ADAMTS18: variants seen among roughly 807,000 people sequenced by gnomAD.
ADAMTS18 encodes ADAM metallopeptidase with thrombospondin type 1 motif 18, also known as A disintegrin and metalloproteinase with thrombospondin motifs 18.
In ADAMTS18, 157 loss-of-function variants were observed where a neutral mutation model predicts 165.9. The observed-to-expected ratio is 0.95, with a 90% CI of 0.83 to 1.08. The LOEUF is 1.08. Ranked by LOEUF, ADAMTS18 falls within the 50% of genes least tolerant of loss-of-function variation. ADAMTS18 has a pLI of 0.00. For missense variants in ADAMTS18, 2,040 were observed against 1,534.0 expected, an observed-to-expected ratio of 1.33 and a Z score of -5.51; for synonymous variants, 782 against 578.2, an observed-to-expected ratio of 1.35 and a Z score of -5.06.
chr16:77,361,418 A>T (rs970952374), intron 7 of ADAMTS18, among the ~76,000 whole-genome samples: 2 of 152,248 alleles, frequency 1.3e-5, no homozygotes, highest in African/African-American at 4.8e-5. Flanking sequence ...CTTCAAAGTC[A>T]AGTAACTTCT....
At chr16:77,373,588 A>G (rs185158482) in intron 3 of ADAMTS18, among the ~76,000 whole-genome samples, 8 of 152,320 alleles carry the variant, frequency 5.3e-5, no homozygotes, top group Admixed American at 5.2e-4. Context: ...GATGAGGGAT[A>G]AAAGTGTACA....
chr16:77,288,854 GTAAACCCAGA>G (rs2055306333), intron 22 of ADAMTS18, among the ~76,000 whole-genome samples: 1 of 152,174 alleles, frequency 6.6e-6, no homozygotes, highest in Non-Finnish European at 1.5e-5. Context: ...GCTTGTGACA[GTAAACCCAGA>G]ACTTGAGGCC....
chr16:77,331,454 C>T (rs115498802), intron 12 of ADAMTS18, among the ~76,000 whole-genome samples: 1,636 of 152,270 alleles, frequency 0.011, 28 homozygotes, highest in African/African-American at 0.037. Flanking sequence ...TACCCTCCTG[C>T]TTAAACCAGG....
rs777438610 is a variant in ADAMTS18 at position 77,291,250 on chromosome 16, A to G, written c.3402+16T>C. On this transcript the variant is annotated intron_variant, in intron 21 of 22. Transcript: ENST00000282849. ...TCTCACTTGAATAGACACCTCCTCA[A>G]TCGGCCTGTACCCACCTGCTGCCAC... 1.4e-5 allele frequency: 23 copies of G among 1,613,346 alleles called. No individual in the cohort carries two copies. The Admixed American group carries it at 2.0e-4, about 14-fold the overall frequency.
rs1054421685 is a variant in ADAMTS18, at chr16:77,367,627, G to A, written c.592C>T (p.His198Tyr). 3 of 1,614,178 alleles carry A rather than the reference G, an allele frequency of 1.9e-6. No individual in the cohort carries two copies. The Admixed American group carries it at 5.0e-5, about 27-fold the overall frequency. ...GTCCTTTTGTACAGTACGTGAGGAT[G>A]GTGACCCGCAGGGGAGCTGTAGTTG... ...EHNYSSPAGH[H>Y]PHVLYKRTAE... Residue 198 changes from histidine to tyrosine, a missense_variant, in exon 4 of 23, where the codon CAT becomes TAT. Physicochemically the swap from His to Tyr is moderately conservative, Grantham distance 83. Coordinates refer to ENST00000282849, the MANE Select transcript of ADAMTS18 (RefSeq NM_199355.4).
chr16:77,355,523 G>C (rs1421342358), intron 9 of ADAMTS18, among the ~76,000 whole-genome samples: 1 of 152,108 alleles, frequency 6.6e-6, no homozygotes, highest in East Asian at 1.9e-4. Flanking sequence ...ATTAGTCACA[G>C]TAAAAAGACA....
At chr16:77,430,520 C>G (rs139797782) in intron 3 of ADAMTS18, among the ~76,000 whole-genome samples, 1 of 152,202 alleles carries the variant, frequency 6.6e-6, no homozygotes, top group Non-Finnish European at 1.5e-5. Context: ...GCACAATCAC[C>G]ATGTGTCTCA....
At chr16:77,325,497 T>C (rs1486370184) in intron 13 of ADAMTS18, among the ~76,000 whole-genome samples, 2 of 152,042 alleles carry the variant, frequency 1.3e-5, no homozygotes, top group Non-Finnish European at 2.9e-5. Context: ...GTACGGTGCC[T>C]CTATGGGGTA....
At chr16:77,287,397 C>T (rs1301853706) in intron 22 of ADAMTS18, among the ~76,000 whole-genome samples, 3 of 152,124 alleles carry the variant, frequency 2.0e-5, no homozygotes, top group African/African-American at 7.2e-5. Context: ...AAACTGTAGG[C>T]CACATTTTTG....
chr16:77,283,986 T>A lies in ADAMTS18; in HGVS notation c.3636A>T (p.Gln1212His). Residue 1212 changes from glutamine (Q) to histidine (H), a missense_variant, in exon 23 of 23, where the codon CAA (glutamine) becomes CAT (histidine). Gln to His is a conservative substitution (Grantham distance 24). Coordinates refer to ENST00000282849, the MANE Select transcript of ADAMTS18 (RefSeq NM_199355.4). ...GVCNHKFYGKQCCKSCTRKI is the reference protein window; with the variant it reads ...GVCNHKFYGKHCCKSCTRKI Reference sequence around the variant, plus strand: ...TCTTCCTTGTGCATGACTTGCAGCATTGTTTTCCGTAAAACTTGTGGTTGC... The same window carrying A: ...TCTTCCTTGTGCATGACTTGCAGCAATGTTTTCCGTAAAACTTGTGGTTGC... 3 of 1,614,060 alleles carry A rather than the reference T, an allele frequency of 1.9e-6. No homozygotes were observed. The highest frequency in any genetic ancestry group is 2.5e-6 in the Non-Finnish European group (3 of 1,179,930).
rs1457474626 is a variant in ADAMTS18 at position 77,314,777 on chromosome 16, TATATATATAAAA to T, written c.2532+5060_2532+5071del. 5.8e-5 allele frequency among the ~76,000 whole-genome samples: 5 copies of T among 86,468 alleles called. 1 individual carries two copies. Among genetic ancestry groups the T allele is most frequent in the African/African-American group, 2.2e-4 (5 of 22,230 alleles). 56.7% of individuals were successfully genotyped at this position (86,468 alleles called of 152,430 possible). A position where few individuals can be genotyped will look rare whatever the true frequency, so the allele number is the denominator to read the frequency against. On this transcript the variant is annotated intron_variant, in intron 16 of 22. Transcript: ENST00000282849. ...TCATATATATATATATATATATATA[TATATATATAAAA>T]TATATGTGATATGCTCAGAAGGCAA...
At chr16:77,342,408 C>T (rs2056412043) in intron 10 of ADAMTS18, among the ~76,000 whole-genome samples, 1 of 152,066 alleles carries the variant, frequency 6.6e-6, no homozygotes, top group Admixed American at 6.5e-5. Context: ...TTTTCAAGGT[C>T]CTATATGTGC....
At position 77,367,638 on chromosome 16, in the gene ADAMTS18, G is replaced by T; in HGVS notation, c.581C>A (p.Pro194His). ...CAGTACGTGAGGATGGTGACCCGCAGGGGAGCTGTAGTTGTGTTCCTGGGC... is the reference window on the plus strand; with the variant it reads ...CAGTACGTGAGGATGGTGACCCGCATGGGAGCTGTAGTTGTGTTCCTGGGC... ...LLAQEHNYSSPAGHHPHVLYK... is the reference protein window; with the variant it reads ...LLAQEHNYSSHAGHHPHVLYK... Residue 194 changes from proline to histidine, a missense_variant, in exon 4 of 23, where the codon CCT (proline) becomes CAT (histidine). Coordinates refer to ENST00000282849, the MANE Select transcript of ADAMTS18 (RefSeq NM_199355.4). 6.2e-7 allele frequency: 1 copy of T among 1,614,194 alleles called. No individual in the cohort carries two copies. Among genetic ancestry groups the T allele is most frequent in the Non-Finnish European group, 8.5e-7 (1 of 1,180,030 alleles).
chr16:77,412,090 C>G (rs987375347), intron 3 of ADAMTS18, among the ~76,000 whole-genome samples: 1 of 152,094 alleles, frequency 6.6e-6, no homozygotes, highest in East Asian at 1.9e-4. Flanking sequence ...ATGGCCCTCC[C>G]CAATGGGTCT....
At chr16:77,365,772 C>A (rs1222896289) in intron 4 of ADAMTS18, among the ~76,000 whole-genome samples, 2 of 152,066 alleles carry the variant, frequency 1.3e-5, no homozygotes, top group Admixed American at 1.3e-4. Flanking sequence ...CTGGTCCAGC[C>A]GTAATAGTGA....
At chr16:77,326,268 T>G (rs1389921946) in intron 12 of ADAMTS18, among the ~76,000 whole-genome samples, 13 of 152,234 alleles carry the variant, frequency 8.5e-5, no homozygotes, top group Admixed American at 8.5e-4. Context: ...TTCTTTTCAT[T>G]ACCACTGTTC....
chr16:77,367,609 T>G lies in ADAMTS18; in HGVS notation c.610A>C (p.Lys204Gln), dbSNP rs781515892. 2 of 1,614,174 alleles carry G rather than the reference T, an allele frequency of 1.2e-6. No individual in the cohort carries two copies. Among genetic ancestry groups the G allele is most frequent in the Non-Finnish European group, 8.5e-7 (1 of 1,180,022 alleles). ...TGGATCTTCTCCTCTGCTGTCCTTT[T>G]GTACAGTACGTGAGGATGGTGACCC... ...PAGHHPHVLY[K>Q]RTAEEKIQRY... Residue 204 changes from lysine to glutamine, a missense_variant, in exon 4 of 23, where the codon AAA becomes CAA. Physicochemically the swap from Lys to Gln is moderately conservative, Grantham distance 53. Coordinates refer to ENST00000282849, the MANE Select transcript of ADAMTS18 (RefSeq NM_199355.4).
At chr16:77,426,102 A>G (rs1052766118) in intron 3 of ADAMTS18, among the ~76,000 whole-genome samples, 3 of 152,058 alleles carry the variant, frequency 2.0e-5, no homozygotes, top group Non-Finnish European at 2.9e-5. Context: ...TAGTATGGAA[A>G]TCCTACCTCT....
intron 8 of ADAMTS18, 61 bp downstream of exon 8, chr16:77,359,257 G>A (rs1366428249): frequency 7.2e-7 from 1 of 1,392,034 alleles, no homozygotes; most frequent in Admixed American, 1.8e-5. Flanking sequence ...ACGGTTAGAG[G>A]AACACCAATG....
Sources: allele counts gnomAD v4.1 joint callset (sites outside exome capture counted in the v4.1 genomes callset), GRCh38; gene constraint gnomAD v4.1.1; transcripts MANE v1.5; gene names NCBI Gene and HGNC (gene_info 2026-07-23, HGNC 2026-07-21).